The following SMYD4 variants were observed in gnomAD, a reference collection of about 807,000 sequenced individuals.
The protein encoded by SMYD4 is SET and MYND domain containing 4, also known as protein-lysine N-methyltransferase SMYD4.
In SMYD4, 68 loss-of-function variants were observed where a neutral mutation model predicts 72.8. That is an observed-to-expected ratio of 0.93 (90% CI 0.77 to 1.14). The LOEUF (loss-of-function observed/expected upper bound fraction) is 1.14. Among genes scored for constraint, SMYD4 ranks in the 50% most tolerant of loss-of-function variants. The pLI is 0.00. For synonymous variants in SMYD4, 407 were observed against 388.6 expected, an observed-to-expected ratio of 1.05 and a Z score of -0.56; for missense variants, 984 against 1,003.7, an observed-to-expected ratio of 0.98 and a Z score of 0.27.
chr17:1,816,480 TGTG>T (rs1293341969), intron 2 of SMYD4, among the ~76,000 whole-genome samples: 6 of 151,486 alleles, frequency 4.0e-5, no homozygotes, highest in African/African-American at 1.5e-4. Context: ...AGTAGCCAGG[TGTG>T]GTGGTGCGTG....
chr17:1,816,644 A>T (rs2151249640), intron 2 of SMYD4, among the ~76,000 whole-genome samples: 1 of 151,734 alleles, frequency 6.6e-6, no homozygotes, highest in African/African-American at 2.4e-5. Context: ...TTTTTTTTTA[A>T]GAGATGGAGT....
chr17:1,829,898 T>C lies in SMYD4; in HGVS notation c.-185A>G, dbSNP rs1911448431. On this transcript the variant is annotated 5_prime_UTR_variant, in exon 1 of 11. The change abolishes an upstream ATG in the 5' untranslated region. Transcript: ENST00000305513. The stretch of plus-strand genomic sequence containing the variant: ...CCGCGCCAGGCCTCGCTTGGGACCA[T>C]GGGTGGGTCACGTGGGCCGCGCCTC... 14 of 445,812 alleles carry C rather than the reference T, an allele frequency of 3.1e-5. No individual in the cohort carries two copies. Among genetic ancestry groups the C allele is most frequent in the Middle Eastern group, 6.4e-4 (1 of 1,564 alleles). 27.6% of individuals were successfully genotyped at this position (445,812 alleles called of 1,614,324 possible).
chr17:1,780,631 T>C lies in SMYD4; in HGVS notation c.*655A>G. ...CAGCAGAACCTCTTAATATTTTTTT[T>C]TTTTCTTTGAGATGGAGTCTGGCTC... On this transcript the variant is annotated 3_prime_UTR_variant, in exon 11 of 11. Transcript: ENST00000305513. 7.0e-6 allele frequency: 1 copy of C among 141,904 alleles called. No individual in the cohort carries two copies. Among genetic ancestry groups the C allele is most frequent in the Non-Finnish European group, 1.5e-5 (1 of 66,748 alleles). 8.8% of individuals were successfully genotyped at this position (141,904 alleles called of 1,614,324 possible). A position where few individuals can be genotyped will look rare whatever the true frequency, so the allele number is the denominator to read the frequency against.
At chr17:1,795,405 CTCTATCTATCTATCTATCTATCTA>C (rs6145948) in intron 5 of SMYD4, among the ~76,000 whole-genome samples, 63,110 of 148,874 alleles carry the variant, frequency 0.42, 14,237 homozygotes, top group Non-Finnish European at 0.51. Flanking sequence ...ACGATCTCAG[CTCTATCTATCTATCTATCTATCTA>C]TCTATCTATC....
intron 5 of SMYD4, among the ~76,000 whole-genome samples, chr17:1,789,418 A>G (rs950992007): frequency 1.3e-5 from 2 of 151,716 alleles, no homozygotes; most frequent in African/African-American, 4.8e-5. Flanking sequence ...CCAAAGAAAT[A>G]GTCTAGGTAC....
intron 5 of SMYD4, among the ~76,000 whole-genome samples, chr17:1,798,760 C>T (rs1355643254): frequency 1.3e-5 from 2 of 151,946 alleles, no homozygotes; most frequent in African/African-American, 4.8e-5. Context: ...ATTAGCCAGG[C>T]ATGGTGGCGC....
Position 1,800,679 on chromosome 17 carries a change from C to A in SMYD4, c.715G>T (p.Val239Leu). The A allele has an allele frequency of 1.9e-6, 3 of 1,614,172 alleles. No individual in the cohort carries two copies. Among genetic ancestry groups the A allele is most frequent in the African/African-American group, 1.3e-5 (1 of 75,048 alleles). Reference protein sequence around the residue: ...SNASSSIGLCVDPLKGRCLVA... With the variant: ...SNASSSIGLCLDPLKGRCLVA... ...AGACAGCGACCTTTTAAAGGATCTA[C>A]GCATAAGCCGATGGATGATGAGGCA... Residue 239 changes from valine to leucine, a missense_variant, in exon 5 of 11, where the codon GTA (valine) becomes TTA (leucine). By Grantham distance (32) the Val-to-Leu change is conservative. Coordinates refer to ENST00000305513, the MANE Select transcript of SMYD4 (RefSeq NM_052928.3).
At chr17:1,804,117 C>T (rs8078357) in intron 4 of SMYD4, among the ~76,000 whole-genome samples, 54,464 of 151,492 alleles carry the variant, frequency 0.36, 11,205 homozygotes, top group African/African-American at 0.57. Context: ...CCTCATGATC[C>T]GCCTGCCTCA....
chr17:1,826,783 T>C (rs1273174031), intron 2 of SMYD4, among the ~76,000 whole-genome samples: 1 of 152,224 alleles, frequency 6.6e-6, no homozygotes, highest in African/African-American at 2.4e-5. Flanking sequence ...GAACTTTATA[T>C]ACATTACCAA....
At chr17:1,806,035 T>C (rs965899231) in intron 3 of SMYD4, among the ~76,000 whole-genome samples, 1 of 150,946 alleles carries the variant, frequency 6.6e-6, no homozygotes, top group African/African-American at 2.4e-5. Context: ...GCCATTCTCC[T>C]GCCTCAGTGC....
intron 2 of SMYD4, among the ~76,000 whole-genome samples, chr17:1,813,089 C>T (rs769257715): frequency 2.4e-4 from 37 of 152,160 alleles, no homozygotes; most frequent in Non-Finnish European, 3.7e-4. Flanking sequence ...CAGGCATGCA[C>T]CACCACGTTC....
chr17:1,822,169 G>A (rs1189722135), intron 2 of SMYD4, among the ~76,000 whole-genome samples: 1 of 152,054 alleles, frequency 6.6e-6, no homozygotes, highest in Non-Finnish European at 1.5e-5. Flanking sequence ...GGGAGGCAGA[G>A]GTTGCAGTGA....
intron 2 of SMYD4, among the ~76,000 whole-genome samples, chr17:1,826,187 A>G (rs1407477404): frequency 3.3e-5 from 5 of 152,080 alleles, no homozygotes; most frequent in Non-Finnish European, 5.9e-5. Flanking sequence ...GGCAATACAC[A>G]CGAGAAATAA....
Position 1,800,232 on chromosome 17 carries a change from C to T in SMYD4, c.1162G>A (p.Val388Ile), listed in dbSNP as rs772849567. Reference sequence around the variant, plus strand: ...CCTAGGCCATAATTAAGTGTCTTGACCTGATTGTTGCTTTCAGGTAAACAG... The same window carrying T: ...CCTAGGCCATAATTAAGTGTCTTGATCTGATTGTTGCTTTCAGGTAAACAG... ...DICLPESNNQ[V>I]KTLNYGLGES... Residue 388 changes from valine to isoleucine, a missense_variant, in exon 5 of 11, where the codon GTC becomes ATC. Physicochemically the swap from Val to Ile is conservative, Grantham distance 29. Coordinates refer to ENST00000305513, the MANE Select transcript of SMYD4 (RefSeq NM_052928.3). 6.2e-7 allele frequency: 1 copy of T among 1,614,150 alleles called. No homozygotes were observed.
rs1295535986 is a variant in SMYD4 at position 1,811,355 on chromosome 17, T to A, written c.279+616A>T. On this transcript the variant is annotated intron_variant, in intron 3 of 10. Transcript: ENST00000305513. The stretch of plus-strand genomic sequence containing the variant: ...ACTAGTCAGGCTAATTTAAAAAAAA[T>A]TTGTGTGTGTGGAGAAGGGGTCTCC... Among the ~76,000 whole-genome samples, 7 of 152,152 alleles carry A rather than the reference T, an allele frequency of 4.6e-5. No homozygotes were observed. The Middle Eastern group carries it at 0.01, about 222-fold the overall frequency.
intron 2 of SMYD4, chr17:1,814,486 T>C (rs1367952086): frequency 6.6e-6 from 1 of 152,122 alleles, no homozygotes; most frequent in Non-Finnish European, 1.5e-5. Flanking sequence ...AAAAACAAAG[T>C]TAGTATCAAA....
intron 2 of SMYD4, among the ~76,000 whole-genome samples, chr17:1,817,553 C>T (rs1030373271): frequency 1.3e-5 from 2 of 152,016 alleles, no homozygotes; most frequent in Admixed American, 6.6e-5. Context: ...AGGCTGGTCT[C>T]GAACTCCTGG....
chr17:1,789,211 A>G (rs1908872779), intron 5 of SMYD4, among the ~76,000 whole-genome samples: 1 of 151,596 alleles, frequency 6.6e-6, no homozygotes, highest in Admixed American at 6.6e-5. Context: ...AAAATGGCAA[A>G]ACCCTGTCTC....
chr17:1,787,845 C>G (rs1279243727), intron 5 of SMYD4, among the ~76,000 whole-genome samples: 1 of 152,124 alleles, frequency 6.6e-6, no homozygotes, highest in Admixed American at 6.6e-5. Context: ...GACTGTGTCT[C>G]TACACCACGA....
Sources: gnomAD v4.1 joint callset for allele counts (sites outside exome capture counted in the v4.1 genomes callset) on GRCh38, gnomAD v4.1.1 for gene constraint, MANE v1.5 for transcripts, NCBI Gene and HGNC (gene_info 2026-07-23, HGNC 2026-07-21) for gene names.